TRPM1: variants seen among roughly 807,000 people sequenced by gnomAD.
TRPM1 encodes the protein transient receptor potential cation channel subfamily M member 1.
Under a neutral mutation model 149.4 loss-of-function variants are expected in TRPM1, and 113 were observed. That is an observed-to-expected ratio of 0.76 (90% confidence interval 0.65 to 0.88). TRPM1 has a LOEUF of 0.88. TRPM1 is among the 40% of genes least tolerant of loss of function. The pLI is 0.00. For missense variants in TRPM1, 1,976 were observed against 2,038.7 expected, an observed-to-expected ratio of 0.97 and a Z score of 0.59; for synonymous variants, 741 against 759.5, an observed-to-expected ratio of 0.98 and a Z score of 0.40.
rs1299100560 is a variant in TRPM1 at position 31,032,832 on chromosome 15, T to C, written c.2809A>G (p.Ile937Val). 6.2e-7 allele frequency: 1 copy of C among 1,614,190 alleles called. No individual in the cohort carries two copies. The highest frequency in any genetic ancestry group is 1.1e-5 in the South Asian group (1 of 91,086). Residue 937 changes from isoleucine (I) to valine (V), a missense_variant, in exon 22 of 28, where the codon ATT (isoleucine) becomes GTT (valine). Physicochemically the swap from Ile to Val is conservative, Grantham distance 29. Around this residue, in one of 3 missense-constraint regions of TRPM1, gnomAD observed 1,332 missense variants for 1,347.1 expected, o/e 0.99. Transcript: ENST00000256552. The stretch of plus-strand genomic sequence containing the variant: ...TAGGGCTGGTTCTGTAGGCGAAGAA[T>C]TGCTCCAATCATGAATGTGGAAATG... ...VAISTFMIGA[I>V]LRLQNQPYMG...
intron 11 of TRPM1, among the ~76,000 whole-genome samples, chr15:31,058,754 C>T (rs550773323): frequency 3.4e-4 from 52 of 152,282 alleles, no homozygotes; most frequent in African/African-American, 1.1e-3. Flanking sequence ...GGTGGTTCCA[C>T]GTACTCTTTA....
intron 1 of TRPM1, among the ~76,000 whole-genome samples, chr15:31,131,191 A>ACCATCAG (rs61172184): frequency 0.02 from 3,115 of 152,258 alleles, 94 homozygotes; most frequent in African/African-American, 0.072. Context: ...GTTTACACCA[A>ACCATCAG]CCATCAGCCA....
At chr15:31,061,068 G>A (rs904552509) in intron 10 of TRPM1, among the ~76,000 whole-genome samples, 37 of 152,222 alleles carry the variant, frequency 2.4e-4, no homozygotes, top group African/African-American at 8.9e-4. Context: ...TCCCCGCCCG[G>A]CCATGAACGC....
chr15:31,152,083 G>T (rs1260419658), intron 1 of TRPM1, among the ~76,000 whole-genome samples: 1 of 152,152 alleles, frequency 6.6e-6, no homozygotes, highest in Non-Finnish European at 1.5e-5. Flanking sequence ...AGTACTTACT[G>T]GCCAGCTGGC....
Position 31,002,870 on chromosome 15 carries a change from G to A in TRPM1, c.3830C>T (p.Ala1277Val). ...GCTGCTTTGCCGGAGAAGATACGTT[G>A]CCTCACATTCAGAAGAAGCCCGGGA... ...ARSRASSECE[A>V]TYLLRQSSIN... The change falls in exon 28 of 28, where the codon GCA (alanine) becomes GTA (valine). Residue 1277 changes from alanine (A) to valine (V), a missense_variant. Physicochemically the swap from Ala to Val is moderately conservative, Grantham distance 64. Coordinates refer to ENST00000256552, the MANE Select transcript of TRPM1 (RefSeq NM_001252024.2). 2 of 1,614,220 alleles carry A rather than the reference G, an allele frequency of 1.2e-6. No homozygotes were observed. The highest frequency in any genetic ancestry group is 1.7e-6 in the Non-Finnish European group (2 of 1,180,026).
intron 1 of TRPM1, among the ~76,000 whole-genome samples, chr15:31,160,334 C>T (rs1252766068): frequency 6.6e-6 from 1 of 152,166 alleles, no homozygotes; most frequent in Non-Finnish European, 1.5e-5. Flanking sequence ...GAGGCCGTTC[C>T]CCACAGCTGG....
intron 1 of TRPM1, among the ~76,000 whole-genome samples, chr15:31,113,815 G>A (rs1009159595): frequency 4.6e-5 from 7 of 152,134 alleles, no homozygotes; most frequent in South Asian, 2.1e-4. Flanking sequence ...GCAACAGCAA[G>A]ATTTATTGTG....
chr15:31,072,018 T>TATATATAGAGAGAGAGAG (rs1400392427), intron 3 of TRPM1, among the ~76,000 whole-genome samples: 8 of 36,900 alleles, frequency 2.2e-4, no homozygotes, highest in South Asian at 1.3e-3. Flanking sequence ...TATATATATA[T>TATATATAGAGAGAGAGAG]AGAGAGAGAG....
Position 31,060,558 on chromosome 15 carries a change from C to T in TRPM1, c.1249G>A (p.Gly417Arg). ...DIARSQIFVF[G>R]PHWPPLGSLA... ...AACAGTTTCACCGGCCAGTGGGGCC[C>T]AAAGACAAAGATCTGGCTTCGTGCT... is the stretch of plus-strand genomic sequence containing the variant. Residue 417 changes from glycine to arginine, a missense_variant, in exon 11 of 28, where the codon GGG (glycine) becomes AGG (arginine). This residue lies in a region of TRPM1 where 1,332 missense variants were observed against 1,347.1 expected (regional missense o/e 0.99). Transcript: ENST00000256552. The T allele has an allele frequency of 6.2e-7, 1 of 1,614,210 alleles. No homozygotes were observed. The highest frequency in any genetic ancestry group is 8.5e-7 in the Non-Finnish European group (1 of 1,180,020).
rs571429067 is a variant in TRPM1 at position 31,088,807 on chromosome 15, G to C, written c.-83-7369C>G. Reference sequence around the variant, plus strand: ...CACCTGAACGTTCTTTCTGCTGGGGGGATGCGTCAGAGGAGGCCTTTGTAC... The same window carrying C: ...CACCTGAACGTTCTTTCTGCTGGGGCGATGCGTCAGAGGAGGCCTTTGTAC... On this transcript the variant is annotated intron_variant, in intron 1 of 27. Transcript: ENST00000256552. 2.6e-3 allele frequency among the ~76,000 whole-genome samples: 391 copies of C among 152,002 alleles called. 1 individual carries two copies. The highest frequency in any genetic ancestry group is 0.017 in the South Asian group (80 of 4,810).
At chr15:31,128,483 C>T (rs541202354) in intron 1 of TRPM1, among the ~76,000 whole-genome samples, 8 of 152,320 alleles carry the variant, frequency 5.3e-5, no homozygotes, top group South Asian at 2.1e-4. Context: ...CACCCCATAT[C>T]GCCAGGAGGG....
chr15:31,042,091 C>T lies in TRPM1; in HGVS notation c.1947G>A (p.Met649Ile). Residue 649 changes from methionine (M) to isoleucine (I), a missense_variant, in exon 17 of 28, where the codon ATG becomes ATA. Around this residue, in one of 3 missense-constraint regions of TRPM1, gnomAD observed 1,332 missense variants for 1,347.1 expected, o/e 0.99. Coordinates refer to ENST00000256552, the MANE Select transcript of TRPM1 (RefSeq NM_001252024.2). ...CCCCTCGCTGCCAGAGGAACACTGC[C>T]ATTTTCTGGCGTTTCATCAGCACTG... ...VWAVLMKRQKMAVFLWQRGEE... is the reference protein window; with the variant it reads ...VWAVLMKRQKIAVFLWQRGEE... The T allele has an allele frequency of 6.2e-7, 1 of 1,614,242 alleles. No homozygotes were observed. The highest frequency in any genetic ancestry group is 1.1e-5 in the South Asian group (1 of 91,084).
chr15:31,032,781 A>C lies in TRPM1; in HGVS notation c.2860T>G (p.Cys954Gly). The change falls in exon 22 of 28, where the codon TGT becomes GGT. Residue 954 changes from cysteine (C) to glycine (G), a missense_variant. Cys to Gly is a radical substitution (Grantham distance 159, BLOSUM62 -3). Transcript: ENST00000256552. ...ATGTACCAGAAGATGATATCCACAC[A>C]GTAGATCACCCGGCCATAGCCCATG... The part of the protein sequence containing the change: ...PYMGYGRVIY[C>G]VDIIFWYIRV... The C allele has an allele frequency of 6.2e-7, 1 of 1,614,180 alleles. No individual in the cohort carries two copies. Among genetic ancestry groups the C allele is most frequent in the Non-Finnish European group, 8.5e-7 (1 of 1,180,024 alleles).
rs1271938361 is a variant in TRPM1, at chr15:31,081,398, C to T, written c.-43G>A. On this transcript the variant is annotated 5_prime_UTR_variant, in exon 2 of 28. Coordinates refer to ENST00000256552, the MANE Select transcript of TRPM1 (RefSeq NM_001252024.2). ...ATATAAGGAAATAGCCTCAGTCCAG[C>T]ACTGCAAGTTACTGCTGAGTCCTCA... The T allele has an allele frequency of 3.3e-6, 5 of 1,535,038 alleles. No individual in the cohort carries two copies. Among genetic ancestry groups the T allele is most frequent in the African/African-American group, 1.4e-5 (1 of 73,032 alleles).
rs754262023 is a variant in TRPM1 at position 31,001,999 on chromosome 15, G to C, written c.4701C>G (p.Phe1567Leu). ...GTAAACTTTTTGACCTGAGAGATGGGAATCCCAAAGTTTGATCTGGCTTCA... is the reference window on the plus strand; with the variant it reads ...GTAAACTTTTTGACCTGAGAGATGGCAATCCCAAAGTTTGATCTGGCTTCA... ...LSVKPDQTLGFPSLRSKSLHG... is the reference protein window; with the variant it reads ...LSVKPDQTLGLPSLRSKSLHG... The change falls in exon 28 of 28, where the codon TTC becomes TTG. Residue 1567 changes from phenylalanine to leucine, a missense_variant. Physicochemically the swap from Phe to Leu is conservative, Grantham distance 22. Transcript: ENST00000256552. The C allele has an allele frequency of 1.2e-5, 19 of 1,614,040 alleles. No individual in the cohort carries two copies. The South Asian group carries it at 2.1e-4, about 18-fold the overall frequency.
chr15:31,155,902 A>G (rs890901537), intron 1 of TRPM1, among the ~76,000 whole-genome samples: 1 of 152,120 alleles, frequency 6.6e-6, no homozygotes, highest in African/African-American at 2.4e-5. Context: ...CATGACAGAT[A>G]AAGAAGGAAA....
At chr15:31,113,869 G>C (rs960940059) in intron 1 of TRPM1, among the ~76,000 whole-genome samples, 3 of 152,108 alleles carry the variant, frequency 2.0e-5, no homozygotes, top group Non-Finnish European at 2.9e-5. Context: ...ACGCTGGAAG[G>C]GTACCGAGCA....
chr15:31,012,500 C>A (rs1182964339), intron 27 of TRPM1, among the ~76,000 whole-genome samples: 1 of 152,130 alleles, frequency 6.6e-6, no homozygotes, highest in Non-Finnish European at 1.5e-5. Context: ...ATTAAGCATC[C>A]TTTCCATGTG....
At chr15:31,095,961 G>A (rs781658608) in intron 1 of TRPM1, among the ~76,000 whole-genome samples, 8 of 152,076 alleles carry the variant, frequency 5.3e-5, no homozygotes, top group South Asian at 2.1e-4. Flanking sequence ...TAGGAGAATC[G>A]CTTGAACATG....
Sources: gnomAD v4.1 joint callset for allele counts (sites outside exome capture counted in the v4.1 genomes callset) on GRCh38, gnomAD v4.1.1 for gene constraint, gnomAD v4.1.1 regional missense constraint, MANE v1.5 for transcripts, NCBI Gene and HGNC (gene_info 2026-07-23, HGNC 2026-07-21) for gene names.